Variants in RPS3 observed in about 807,000 individuals in gnomAD.
RPS3 encodes small ribosomal subunit protein uS3.
Under a neutral mutation model 25.8 loss-of-function variants are expected in RPS3, and 2 were observed. The ratio of observed to expected loss-of-function variants is 0.08; its 90% CI spans 0.03 to 0.24. The LOEUF is 0.24. Among genes scored for constraint, RPS3 ranks in the 10% least tolerant of loss-of-function variants. RPS3 has a pLI of 1.00. For synonymous variants in RPS3, 114 were observed against 114.2 expected (o/e 1.00, Z 0.01); for missense variants, 107 against 307.1 (o/e 0.35, Z 4.87).
downstream of RPS3, among the ~76,000 whole-genome samples, chr11:75,410,071 AC>A (rs1160239665): frequency 1.9e-3 from 204 of 107,252 alleles, 4 homozygotes; most frequent in African/African-American, 4.9e-3. Context: ...CGGGGGGCTG[AC>A]CCCCCCCTCC....
At chr11:75,421,943 G>GT (rs1233555743) in exon 7 of RPS3, 14 of 152,292 alleles carry the variant, frequency 9.2e-5, no homozygotes, top group African/African-American at 2.9e-4. Context: ...TATAGTGTGT[G>GT]TTTTTTATGC....
At chr11:75,414,348 A>G (rs1948380003) in intron 6 of RPS3, among the ~76,000 whole-genome samples, 1 of 152,218 alleles carries the variant, frequency 6.6e-6, no homozygotes. Flanking sequence ...GCCGTGGCTC[A>G]CGCCTGTAAT....
downstream of RPS3, among the ~76,000 whole-genome samples, chr11:75,410,709 TGAAC>T (rs1274435209): frequency 2.0e-5 from 3 of 152,016 alleles, no homozygotes; most frequent in Non-Finnish European, 4.4e-5. Flanking sequence ...GAGCACTGAG[TGAAC>T]GAGACTCCGT....
At chr11:75,420,717 C>T (rs972429787) in intron 6 of RPS3, among the ~76,000 whole-genome samples, 1 of 152,012 alleles carries the variant, frequency 6.6e-6, no homozygotes, top group Admixed American at 6.6e-5. Context: ...CCTTTCCTGC[C>T]TCAAGGGGAA....
Position 75,399,551 on chromosome 11 carries a change from G to A in RPS3, c.4G>A (p.Ala2Thr), listed in dbSNP as rs939710830. The part of the protein sequence containing the change: M[A>T]VQISKKRKFV... ...TTCAGCGGAGCGCGGCGGCAAGATG[G>A]CAGTGCAAATATCCAAGAAGAGGAA... Residue 2 changes from alanine to threonine, a missense_variant, in exon 1 of 7, where the codon GCA becomes ACA. Physicochemically the swap from Ala to Thr is moderately conservative, Grantham distance 58. Coordinates refer to ENST00000531188, the MANE Select transcript of RPS3 (RefSeq NM_001005.5). 3 of 1,613,834 alleles carry A rather than the reference G, an allele frequency of 1.9e-6. No homozygotes were observed. Among genetic ancestry groups the A allele is most frequent in the East Asian group, 2.2e-5 (1 of 44,840 alleles).
Position 75,404,911 on chromosome 11 carries a change from C to G in RPS3, c.*3+43C>G, listed in dbSNP as rs776897747. On this transcript the variant is annotated intron_variant, in intron 6 of 6. Coordinates refer to ENST00000531188, the MANE Select transcript of RPS3 (RefSeq NM_001005.5). The surrounding 1 kb of genome is among the most constrained non-coding windows in gnomAD (Gnocchi z 4.6). ...GGGGCCTCTTGGGGCATAATAGGGT[C>G]CTTCCGAGTCTTTCTGTTAATACTT... 1 of 1,328,012 alleles carries G rather than the reference C, an allele frequency of 7.5e-7. No homozygotes were observed. Among genetic ancestry groups the G allele is most frequent in the Non-Finnish European group, 1.0e-6 (1 of 967,556 alleles). 82.3% of individuals were successfully genotyped at this position (1,328,012 alleles called of 1,614,324 possible). A position where few individuals can be genotyped will look rare whatever the true frequency, so the allele number is the denominator to read the frequency against.
In RPS3 at chr11:75,404,656, CTG is replaced by C; in HGVS notation, c.539-13_539-12del. 6.2e-7 allele frequency: 1 copy of C among 1,603,832 alleles called. No individual in the cohort carries two copies. Among genetic ancestry groups the C allele is most frequent in the Non-Finnish European group, 8.5e-7 (1 of 1,172,962 alleles). On this transcript the variant is annotated splice_polypyrimidine_tract_variant and intron_variant, in intron 5 of 6. Coordinates refer to ENST00000531188, the MANE Select transcript of RPS3 (RefSeq NM_001005.5). The surrounding 1 kb of genome is among the most constrained non-coding windows in gnomAD (Gnocchi z 4.6). ...TGAGACCCCAGCTGTGTGCTAACAA[CTG>C]TGGTGTCCTCTAGGTGTGCTGGGCA...
intron 1 of RPS3, chr11:75,400,397 T>G (rs754848131): frequency 3.7e-6 from 2 of 541,914 alleles, no homozygotes; most frequent in Non-Finnish European, 7.3e-6. Flanking sequence ...AACCCTTCGA[T>G]GAAGAGATGA....
Position 75,404,497 on chromosome 11 carries a change from G to T in RPS3, c.539-175G>T, listed in dbSNP as rs764040276. On this transcript the variant is annotated intron_variant, in intron 5 of 6. Transcript: ENST00000531188. This position sits in a 1 kb window ranked among gnomAD's most constrained non-coding sequence, Gnocchi z 4.6. ...CCTTGTCAGTGCCATGTTCTGTGGT[G>T]CTGTGCACGAGTTCCTTTGGCAGAA... 2 of 807,142 alleles carry T rather than the reference G, an allele frequency of 2.5e-6. No individual in the cohort carries two copies. The highest frequency in any genetic ancestry group is 1.7e-5 in the African/African-American group (1 of 59,662). The allele number at this position is 807,142 out of a possible 1,614,324, so 50.0% of individuals were successfully genotyped here.
intron 6 of RPS3, among the ~76,000 whole-genome samples, chr11:75,415,673 G>T (rs993514245): frequency 2.0e-5 from 3 of 152,162 alleles, no homozygotes; most frequent in Admixed American, 1.3e-4. Context: ...GGGCTTGGTG[G>T]TGGGTGCCTG....
Position 75,405,662 on chromosome 11 carries a change from AC to A in RPS3, c.*54del, listed in dbSNP as rs1248746759. 2.2e-6 allele frequency: 1 copy of A among 456,024 alleles called. No individual in the cohort carries two copies. The highest frequency in any genetic ancestry group is 7.0e-5 in the East Asian group (1 of 14,382). The allele number at this position is 456,024 out of a possible 1,614,324, so 28.2% of individuals were successfully genotyped here. On this transcript the variant is annotated 3_prime_UTR_variant, in exon 7 of 7. Transcript: ENST00000531188. ...GGAGTCTGGATGTTGCTCTCTAAAG[AC>A]CTTTAATAAAATTTTGTACAAAGAC...
downstream of RPS3, among the ~76,000 whole-genome samples, chr11:75,409,983 C>T (rs1355651910): frequency 1.4e-5 from 2 of 143,618 alleles, no homozygotes; most frequent in East Asian, 4.2e-4. Flanking sequence ...GCTGGCCGGG[C>T]AGAGGGGCTC....
chr11:75,406,953 T>C (rs548110437), downstream of RPS3: 1 of 152,288 alleles, frequency 6.6e-6, no homozygotes, highest in East Asian at 1.9e-4. Flanking sequence ...TACTCTACCA[T>C]TTTGTATAAG....
chr11:75,409,839 A>T (rs1381898477), downstream of RPS3, among the ~76,000 whole-genome samples: 66 of 142,898 alleles, frequency 4.6e-4, no homozygotes, highest in South Asian at 7.8e-3. Context: ...TCCCTCCCGG[A>T]CGGGGCGGCT....
downstream of RPS3, among the ~76,000 whole-genome samples, chr11:75,411,111 C>G (rs1343612036): frequency 6.6e-6 from 1 of 151,982 alleles, no homozygotes; most frequent in Admixed American, 6.6e-5. Flanking sequence ...CTCTTGACCT[C>G]GTGATCTGCC....
intron 1 of RPS3, chr11:75,399,998 GGGTTGCTGAC>G (rs1395783742): frequency 3.6e-6 from 1 of 277,832 alleles, no homozygotes; most frequent in Non-Finnish European, 6.9e-6. Flanking sequence ...TCAACTTGAA[GGGTTGCTGAC>G]GGTTGCTTGC....
intron 2 of RPS3, 51 bp downstream of exon 2, chr11:75,400,875 T>C: frequency 6.4e-7 from 1 of 1,574,686 alleles, no homozygotes; most frequent in Admixed American, 1.8e-5. Context: ...AATGCTAAGT[T>C]GGTTTATTTA....
intron 6 of RPS3, among the ~76,000 whole-genome samples, chr11:75,420,309 T>C (rs963410115): frequency 1.3e-5 from 2 of 152,196 alleles, no homozygotes; most frequent in Non-Finnish European, 2.9e-5. Flanking sequence ...ACCTCTCTTA[T>C]CAGGGACAAG....
Position 75,404,506 on chromosome 11 carries a change from G to A in RPS3, c.539-166G>A, listed in dbSNP as rs544271956. The stretch of plus-strand genomic sequence containing the variant: ...TGCCATGTTCTGTGGTGCTGTGCAC[G>A]AGTTCCTTTGGCAGAAGTGTCCTAT... On this transcript the variant is annotated intron_variant, in intron 5 of 6. Transcript: ENST00000531188. The surrounding 1 kb of genome is among the most constrained non-coding windows in gnomAD (Gnocchi z 4.6). 56 of 819,258 alleles carry A rather than the reference G, an allele frequency of 6.8e-5. No homozygotes were observed. Among genetic ancestry groups the A allele is most frequent in the Middle Eastern group, 6.7e-4 (3 of 4,510 alleles). The allele number at this position is 819,258 out of a possible 1,614,324, so 50.7% of individuals were successfully genotyped here. A position where few individuals can be genotyped will look rare whatever the true frequency, so the allele number is the denominator to read the frequency against.
Sources: allele counts gnomAD v4.1 joint callset (sites outside exome capture counted in the v4.1 genomes callset), GRCh38; gene constraint gnomAD v4.1.1; non-coding constraint Gnocchi (gnomAD v3.1); transcripts MANE v1.5; gene names NCBI Gene and HGNC (gene_info 2026-07-23, HGNC 2026-07-21).